MMEL1: variants seen among roughly 807,000 people sequenced by gnomAD.
The protein encoded by MMEL1 is membrane metalloendopeptidase like 1.
MMEL1 carries 98 observed loss-of-function variants against 117.1 expected under a neutral mutation model. The ratio of observed to expected loss-of-function variants is 0.84; its 90% CI spans 0.71 to 0.99. The LOEUF (loss-of-function observed/expected upper bound fraction) is 0.99. Among genes scored for constraint, MMEL1 ranks in the 50% least tolerant of loss-of-function variants. MMEL1 has a pLI of 0.00. For synonymous variants in MMEL1, 390 were observed against 415.1 expected, an observed-to-expected ratio of 0.94 and a Z score of 0.74; for missense variants, 1,014 against 1,049.1, an observed-to-expected ratio of 0.97 and a Z score of 0.46.
Position 2,591,078 on chromosome 1 carries a change from G to A in MMEL1, c.2252C>T (p.Ser751Leu), listed in dbSNP as rs994963746. Residue 751 changes from serine (S) to leucine (L), a missense_variant, in exon 24 of 24, where the codon TCG becomes TTG. Coordinates refer to ENST00000378412, the MANE Select transcript of MMEL1 (RefSeq NM_033467.4). ...TGCGAAGGCGGCCAGGTTCTGCAGC[G>A]ACCCCAGTACCCTGTGGGTGGGTGG... is the stretch of plus-strand genomic sequence containing the variant. The part of the protein sequence containing the change: ...HSPLKYRVLG[S>L]LQNLAAFADT... 10 of 1,599,668 alleles carry A rather than the reference G, an allele frequency of 6.3e-6. No homozygotes were observed. The highest frequency in any genetic ancestry group is 2.3e-5 in the South Asian group (2 of 88,290).
chr1:2,611,293 AG>A lies in MMEL1; in HGVS notation c.279del (p.Cys94AlafsTer2). 1 of 1,579,314 alleles carries A rather than the reference AG, an allele frequency of 6.3e-7. No individual in the cohort carries two copies. The highest frequency in any genetic ancestry group is 8.6e-7 in the Non-Finnish European group (1 of 1,164,440). On this transcript the variant is annotated frameshift_variant, in exon 4 of 24. Transcript: ENST00000378412. LOFTEE classifies it high-confidence loss of function. ...QEVSEVCTTP[G>X]CVIAAARILQ... ...GGGCGGGGCTTACCTGCTATCACGC[AG>A]CCAGGGGTGGTGCAGACCTCGCTCA...
chr1:2,607,606 T>C (rs963397976), intron 6 of MMEL1, among the ~76,000 whole-genome samples: 9 of 151,986 alleles, frequency 5.9e-5, no homozygotes, highest in South Asian at 2.1e-4. Context: ...GACGCGGAGA[T>C]AGTCACTGTG....
At chr1:2,631,810 A>G (rs1638600826) in intron 1 of MMEL1, among the ~76,000 whole-genome samples, 1 of 151,956 alleles carries the variant, frequency 6.6e-6, no homozygotes, top group Admixed American at 6.5e-5. Context: ...TCAGCCTCCA[A>G]GCCCATCTCA....
chr1:2,631,676 A>G (rs1382814811), intron 1 of MMEL1, among the ~76,000 whole-genome samples: 1 of 151,420 alleles, frequency 6.6e-6, no homozygotes, highest in East Asian at 1.9e-4. Flanking sequence ...GCATCCACAC[A>G]CCCTCAGATG....
Position 2,629,356 on chromosome 1 carries a change from C to A in MMEL1, c.129G>T (p.Leu43Phe). Residue 43 changes from leucine (L) to phenylalanine (F), a missense_variant, in exon 2 of 24, where the codon TTG becomes TTT. By Grantham distance (22) the Leu-to-Phe change is conservative (BLOSUM62 0). Transcript: ENST00000378412. ...LLLVTAALVA[L>F]GVLYADRRGK... The stretch of plus-strand genomic sequence containing the variant: ...CTCTGCGGTCGGCGTAGAGGACACC[C>A]AAGGCCACCAGGGCAGCGGTCACCA... 1 of 1,542,994 alleles carries A rather than the reference C, an allele frequency of 6.5e-7. No homozygotes were observed.
intron 22 of MMEL1, 113 bp downstream of exon 22, chr1:2,591,818 TC>T (rs1557515162): frequency 8.4e-7 from 1 of 1,188,684 alleles, no homozygotes; most frequent in Non-Finnish European, 1.2e-6. Flanking sequence ...CTCATGCTTT[TC>T]CCCCAAGGGG....
chr1:2,594,943 G>A (rs776748679), intron 16 of MMEL1, 50 bp from the exon 17 acceptor site: 51 of 1,490,160 alleles, frequency 3.4e-5, no homozygotes, highest in Non-Finnish European at 4.0e-5. Flanking sequence ...GGCCCTCAGA[G>A]GAGCAAGGGG....
chr1:2,600,182 G>T (rs191600398), intron 11 of MMEL1, among the ~76,000 whole-genome samples: 116 of 152,044 alleles, frequency 7.6e-4, no homozygotes, highest in African/African-American at 2.7e-3. Flanking sequence ...TGGCCAGGCT[G>T]GTCTCAAGCT....
At chr1:2,615,749 G>T (rs1040495733) in intron 2 of MMEL1, among the ~76,000 whole-genome samples, 3 of 152,292 alleles carry the variant, frequency 2.0e-5, no homozygotes, top group African/African-American at 7.2e-5. Flanking sequence ...ATCTAAAATT[G>T]TTCTAAATTT....
At chr1:2,594,765 A>C in intron 17 of MMEL1, 25 bp downstream of exon 17, 18 of 1,512,674 alleles carry the variant, frequency 1.2e-5, no homozygotes, top group Non-Finnish European at 1.6e-5. Flanking sequence ...CCCCCCGCCC[A>C]TGCCGCACCA....
At chr1:2,606,683 G>T (rs1318450744) in intron 7 of MMEL1, among the ~76,000 whole-genome samples, 1 of 152,056 alleles carries the variant, frequency 6.6e-6, no homozygotes, top group African/African-American at 2.4e-5. Context: ...CCAGGGCCTG[G>T]CCGGAGCCTG....
chr1:2,608,749 AAC>A (rs1398533404), intron 6 of MMEL1, among the ~76,000 whole-genome samples: 1 of 152,146 alleles, frequency 6.6e-6, no homozygotes, highest in South Asian at 2.1e-4. Context: ...ACATGCACGT[AAC>A]ACACATGTGC....
At chr1:2,609,557 A>C in intron 5 of MMEL1, 113 bp downstream of exon 5, 1 of 1,527,870 alleles carries the variant, frequency 6.5e-7, no homozygotes, top group Non-Finnish European at 8.9e-7. Context: ...CTCTGCGCCC[A>C]CTGGACCAAG....
intron 11 of MMEL1, 61 bp from the exon 12 acceptor site, chr1:2,598,851 G>A: frequency 6.9e-7 from 1 of 1,447,052 alleles, no homozygotes; most frequent in Non-Finnish European, 9.5e-7. Context: ...CAGTTCCTGG[G>A]AATCTAAGAA....
Position 2,609,829 on chromosome 1 carries a change from C to A in MMEL1, c.295G>T (p.Ala99Ser), listed in dbSNP as rs139026073. 1.2e-6 allele frequency: 2 copies of A among 1,605,442 alleles called. No homozygotes were observed. Among genetic ancestry groups the A allele is most frequent in the South Asian group, 1.1e-5 (1 of 89,216 alleles). The change falls in exon 5 of 24, where the codon GCC (alanine) becomes TCC (serine). Residue 99 changes from alanine to serine, a missense_variant and splice_region_variant. Ala to Ser is a moderately conservative substitution (Grantham distance 99). Coordinates refer to ENST00000378412, the MANE Select transcript of MMEL1 (RefSeq NM_033467.4). ...CTTPGCVIAA[A>S]RILQNMDPTT... ...GGGTCCATGTTCTGGAGGATCCTGG[C>A]AGCTGCTCGTCCCCATGGCGTGGAG...
intron 2 of MMEL1, among the ~76,000 whole-genome samples, chr1:2,625,890 C>T (rs1405089934): frequency 6.6e-6 from 1 of 152,192 alleles, no homozygotes. Context: ...TCTCCTCCAG[C>T]CTGCACCGAT....
intron 10 of MMEL1, 28 bp downstream of exon 10, chr1:2,604,119 C>G (rs774064932): frequency 1.3e-6 from 2 of 1,510,112 alleles, no homozygotes; most frequent in Non-Finnish European, 1.8e-6. Context: ...ACTCGCTGCC[C>G]GCTCCCCACC....
At position 2,595,350 on chromosome 1, in the gene MMEL1, T is replaced by A; in HGVS notation, c.1510A>T (p.Ile504Phe). 1.2e-6 allele frequency: 2 copies of A among 1,613,818 alleles called. No homozygotes were observed. Among genetic ancestry groups the A allele is most frequent in the East Asian group, 4.5e-5 (2 of 44,850 alleles). Residue 504 changes from isoleucine to phenylalanine, a missense_variant, in exon 16 of 24, where the codon ATC (isoleucine) becomes TTC (phenylalanine). Transcript: ENST00000378412. The surrounding 1 kb of genome is among the most constrained non-coding windows in gnomAD (Gnocchi z 4.8). Reference sequence around the variant, plus strand: ...TCAGGGTGCCCGATCTGCTCCCGGATGCTCATGGCCTGAGTGGGGAGGAGG... The same window carrying A: ...TCAGGGTGCCCGATCTGCTCCCGGAAGCTCATGGCCTGAGTGGGGAGGAGG... ...KKKAQEKAMSIREQIGHPDYI... is the reference protein window; with the variant it reads ...KKKAQEKAMSFREQIGHPDYI...
chr1:2,609,703 C>T lies in MMEL1; in HGVS notation c.421G>A (p.Val141Ile), dbSNP rs562843832. The change falls in exon 5 of 24, where the codon GTC becomes ATC. Residue 141 changes from valine (V) to isoleucine (I), a missense_variant. By Grantham distance (29) the Val-to-Ile change is conservative. Transcript: ENST00000378412. ...ETNSRYSIFD[V>I]LRDELEVILK... is the part of the protein sequence containing the mutation. ...ATGACCTCCAGCTCGTCGCGGAGGA[C>T]GTCAAAGATGCTGTATCTTGAGTTG... is the stretch of plus-strand genomic sequence containing the variant. 1.7e-4 allele frequency: 280 copies of T among 1,613,048 alleles called. 1 individual carries two copies. Among genetic ancestry groups the T allele is most frequent in the African/African-American group, 8.0e-5 (6 of 75,034 alleles).
Sources: gnomAD v4.1 joint callset for allele counts (sites outside exome capture counted in the v4.1 genomes callset) on GRCh38, gnomAD v4.1.1 for gene constraint, Gnocchi (gnomAD v3.1) non-coding constraint, MANE v1.5 for transcripts, NCBI Gene and HGNC (gene_info 2026-07-23, HGNC 2026-07-21) for gene names.